Variants in IL4I1 observed in about 807,000 individuals in gnomAD.
The protein encoded by IL4I1 is L-amino-acid oxidase.
In IL4I1, 24 loss-of-function variants were observed where a neutral mutation model predicts 29.7. The ratio of observed to expected loss-of-function variants is 0.81; its 90% CI spans 0.59 to 1.14. The LOEUF is 1.14. Ranked by LOEUF, IL4I1 falls within the 50% of genes most tolerant of loss-of-function variation. The pLI is 0.00. For missense variants in IL4I1, 686 were observed against 785.6 expected (o/e 0.87, Z 1.52); for synonymous variants, 371 against 352.5 (o/e 1.05, Z -0.59).
At position 49,890,540 on chromosome 19, in the gene IL4I1, G is replaced by A. The variant is rs140869136; in HGVS notation, c.834C>T (p.Ser278=). 1.9e-5 allele frequency: 30 copies of A among 1,604,196 alleles called. No homozygotes were observed. In the African/African-American group the frequency reaches 3.9e-4, roughly 21 times the overall value. Residue 278 remains serine, a synonymous_variant, in exon 8 of 8, where the codon TCC becomes TCT. Transcript: ENST00000391826. ...CGGGCGCGTTCAACAGCACAAGCCCGGACAGCGAGCTCAGCAGCGCGCGCG... is the reference window on the plus strand; with the variant it reads ...CGGGCGCGTTCAACAGCACAAGCCCAGACAGCGAGCTCAGCAGCGCGCGCG... The part of the protein sequence containing the change: ...LLPRALLSSL[S]GLVLLNAPVV...
intron 2 of IL4I1, among the ~76,000 whole-genome samples, chr19:49,910,438 A>G (rs1302379569): frequency 6.6e-6 from 1 of 152,068 alleles, no homozygotes; most frequent in Non-Finnish European, 1.5e-5. Context: ...GCAGGAGAGG[A>G]CACTGGAACT....
upstream of IL4I1, among the ~76,000 whole-genome samples, chr19:49,899,349 C>G (rs2122545983): frequency 6.6e-6 from 1 of 152,198 alleles, no homozygotes; most frequent in Admixed American, 6.5e-5. Flanking sequence ...TGGCCCCAGG[C>G]ATATGTGCAG....
intron 2 of IL4I1, among the ~76,000 whole-genome samples, chr19:49,927,390 TA>T (rs946061834): frequency 4.0e-5 from 6 of 151,570 alleles, no homozygotes; most frequent in African/African-American, 9.7e-5. Flanking sequence ...CTGATGAACT[TA>T]AAAAAAAATC....
intron 3 of IL4I1, among the ~76,000 whole-genome samples, chr19:49,903,150 T>C (rs1026163388): frequency 2.0e-5 from 3 of 152,124 alleles, no homozygotes; most frequent in African/African-American, 7.2e-5. Flanking sequence ...ACGGTTGGTT[T>C]GTCAAGATGC....
In IL4I1 at chr19:49,907,805, A is replaced by C. The variant is rs989727552; in HGVS notation, c.-227-3484T>G. On this transcript the variant is annotated intron_variant, in intron 2 of 9. Transcript: ENST00000341114. ...CCCGCCTTGGCCACCCAAAGTGCTG[A>C]GATTACAGGGGTGAGCCACTGCGCC... The C allele has an allele frequency of 3.3e-5, 11 of 334,150 alleles. No homozygotes were observed. In the Middle Eastern group the frequency reaches 3.2e-3, roughly 98 times the overall value. 20.7% of individuals were successfully genotyped at this position (334,150 alleles called of 1,614,324 possible).
rs2075107666 is a variant in IL4I1, at chr19:49,889,955, A to G, written c.1419T>C (p.Tyr473=). The part of the protein sequence containing the change: ...QTEKDDWTVP[Y]GRIYFAGEHT... Reference sequence around the variant, plus strand: ...GCTCGCCGGCAAAGTAGATGCGGCCATAAGGGACCGTCCAGTCATCCTTTT... The same window carrying G: ...GCTCGCCGGCAAAGTAGATGCGGCCGTAAGGGACCGTCCAGTCATCCTTTT... Residue 473 remains tyrosine (Y), a synonymous_variant, in exon 8 of 8, where the codon TAT becomes TAC. Coordinates refer to ENST00000391826, the MANE Select transcript of IL4I1 (RefSeq NM_152899.2). 8 of 1,592,706 alleles carry G rather than the reference A, an allele frequency of 5.0e-6. No homozygotes were observed. The East Asian group carries it at 6.9e-5, about 14-fold the overall frequency.
intron 5 of IL4I1, among the ~76,000 whole-genome samples, chr19:49,892,888 G>T (rs1321275963): frequency 6.6e-6 from 1 of 152,196 alleles, no homozygotes; most frequent in Admixed American, 6.5e-5. Context: ...GGTGTGGCCA[G>T]TTCCTCCCTA....
rs190270806 is a variant in IL4I1 at position 49,924,068 on chromosome 19, G to A, written c.-228+3626C>T. Among the ~76,000 whole-genome samples, 4 of 152,306 alleles carry A rather than the reference G, an allele frequency of 2.6e-5. No homozygotes were observed. In the East Asian group the frequency reaches 7.7e-4, roughly 29 times the overall value. ...CACGGTGCAGGTGCAGGCAGGAATC[G>A]ATAGCGTCTGGCAACTGTGAGCAGC... is the stretch of plus-strand genomic sequence containing the variant. On this transcript the variant is annotated intron_variant, in intron 2 of 9. Coordinates refer to the IL4I1 transcript ENST00000341114.
chr19:49,908,544 A>T, intron 2 of IL4I1: 1 of 1,614,134 alleles, frequency 6.2e-7, no homozygotes, highest in Admixed American at 1.7e-5. Flanking sequence ...TGCTGCAGGT[A>T]GATGGTCCCG....
chr19:49,908,629 G>C, intron 2 of IL4I1: 1 of 1,613,400 alleles, frequency 6.2e-7, no homozygotes, highest in Non-Finnish European at 8.5e-7. Flanking sequence ...GGATGAAGTC[G>C]AGCTCCTGGT....
chr19:49,920,465 C>A (rs1269047411), intron 2 of IL4I1, among the ~76,000 whole-genome samples: 6 of 152,324 alleles, frequency 3.9e-5, no homozygotes, highest in African/African-American at 1.2e-4. Flanking sequence ...ACTAAAGCCA[C>A]TAAGTTGGAC....
chr19:49,890,928 T>TGGGGGGGGGGGGGGGGGGGG, intron 7 of IL4I1, 43 bp downstream of exon 7: 2 of 633,196 alleles, frequency 3.2e-6, no homozygotes. Flanking sequence ...TTTCCCTGAT[T>TGGGGGGGGGGGGGGGGGGGG]GCCCCCCGCC....
rs2075773115 is a variant in IL4I1 at position 49,921,864 on chromosome 19, G to C, written c.-228+5830C>G. ...TGTAGGAACCACATATCCTGGGCCA[G>C]ACGAATGCAGGAGCTGCCTCCTCTG... On this transcript the variant is annotated intron_variant, in intron 2 of 9. Coordinates refer to the IL4I1 transcript ENST00000341114. This position sits in a 1 kb window ranked among gnomAD's most constrained non-coding sequence, Gnocchi z 5.4. Among the ~76,000 whole-genome samples the C allele has an allele frequency of 6.6e-6, 1 of 152,200 alleles. No individual in the cohort carries two copies. Among genetic ancestry groups the C allele is most frequent in the Non-Finnish European group, 1.5e-5 (1 of 68,030 alleles).
At chr19:49,926,313 T>G (rs1226325587) in intron 2 of IL4I1, among the ~76,000 whole-genome samples, 1 of 150,944 alleles carries the variant, frequency 6.6e-6, no homozygotes, top group East Asian at 2.0e-4. Flanking sequence ...GTGGATCACC[T>G]GAAGTCAGGA....
In IL4I1 at chr19:49,905,702, T is replaced by A. The variant is rs559610921; in HGVS notation, c.-227-1381A>T. On this transcript the variant is annotated intron_variant, in intron 2 of 9. Coordinates refer to the IL4I1 transcript ENST00000341114. ...ACCTCCACCTCTCGGGTTCAAGCGA[T>A]TCTCCTGCCACAGCCTCCCGAGTAG... Among the ~76,000 whole-genome samples, 8 of 152,284 alleles carry A rather than the reference T, an allele frequency of 5.3e-5. No homozygotes were observed. The East Asian group carries it at 1.5e-3, about 29-fold the overall frequency.
intron 2 of IL4I1, among the ~76,000 whole-genome samples, chr19:49,914,037 C>G (rs1249823032): frequency 6.6e-6 from 1 of 152,094 alleles, no homozygotes; most frequent in African/African-American, 2.4e-5. Flanking sequence ...TGCACCAAAA[C>G]CACAGGGTCT....
At chr19:49,908,201 A>G in intron 2 of IL4I1, 3 of 1,607,292 alleles carry the variant, frequency 1.9e-6, no homozygotes, top group Non-Finnish European at 1.7e-6. Context: ...CCCCTCATGA[A>G]CTCCCTAGGG....
Position 49,894,470 on chromosome 19 carries a change from C to T in IL4I1, c.366-1G>A. 1.2e-6 allele frequency: 2 copies of T among 1,606,870 alleles called. No homozygotes were observed. Among genetic ancestry groups the T allele is most frequent in the Non-Finnish European group, 8.5e-7 (1 of 1,175,808 alleles). On this transcript the variant is annotated splice_acceptor_variant, in intron 4 of 7. Transcript: ENST00000391826. LOFTEE classifies it high-confidence loss of function. Reference sequence around the variant, plus strand: ...GCCCTGGCAGAGCTTGTGGAGGATCCTGATCAGGGGAGTGGGTGAGTGAGG... The same window carrying T: ...GCCCTGGCAGAGCTTGTGGAGGATCTTGATCAGGGGAGTGGGTGAGTGAGG...
In IL4I1 at chr19:49,895,143, C is replaced by CG. The variant is rs2075189657; in HGVS notation, c.289dup (p.Arg97ProfsTer111). 6.2e-7 allele frequency: 1 copy of CG among 1,613,768 alleles called. No homozygotes were observed. The highest frequency in any genetic ancestry group is 1.7e-5 in the Admixed American group (1 of 59,998). The stretch of plus-strand genomic sequence containing the variant: ...GTTCTGGTCCCGGTAGGTGAAGATG[C>CG]GGCCCCCGATCCTGTTATCTGCCTC... On this transcript the variant is annotated frameshift_variant, in exon 4 of 8. Coordinates refer to ENST00000391826, the MANE Select transcript of IL4I1 (RefSeq NM_152899.2). LOFTEE classifies it high-confidence loss of function.
Sources: gnomAD v4.1 joint callset for allele counts (sites outside exome capture counted in the v4.1 genomes callset) on GRCh38, gnomAD v4.1.1 for gene constraint, Gnocchi (gnomAD v3.1) non-coding constraint, MANE v1.5 for transcripts, NCBI Gene and HGNC (gene_info 2026-07-23, HGNC 2026-07-21) for gene names.